The following SOX5 variants were observed in gnomAD, a reference collection of about 807,000 sequenced individuals.
SOX5 encodes transcription factor SOX-5.
SOX5 carries 9 observed loss-of-function variants against 92.0 expected under a neutral mutation model. The observed-to-expected ratio is 0.10, with a 90% CI of 0.06 to 0.17. SOX5 has a LOEUF of 0.17. Ranked by LOEUF, SOX5 falls within the 10% of genes least tolerant of loss-of-function variation. The pLI, the probability that SOX5 is intolerant of heterozygous loss-of-function variation, is 1.00. For missense variants in SOX5, 642 were observed against 944.5 expected, an observed-to-expected ratio of 0.68 and a Z score of 4.20; for synonymous variants, 344 against 336.3, an observed-to-expected ratio of 1.02 and a Z score of -0.25.
chr12:23,858,074 T>C (rs879150410), intron 2 of SOX5, among the ~76,000 whole-genome samples: 19 of 141,584 alleles, frequency 1.3e-4, no homozygotes, highest in African/African-American at 4.1e-4. Flanking sequence ...CCTGTATGTG[T>C]GTGTGTGTGT....
In SOX5 at chr12:23,628,800, CT is replaced by C. The variant is rs113869280; in HGVS notation, c.1017+12011del. ...TTGAAATGTGCAGGGCTGGCTTAAG[CT>C]TTTTTTTTTTATTTTTATTTTTTCT... On this transcript the variant is annotated intron_variant, in intron 8 of 14. Transcript: ENST00000451604. Among the ~76,000 whole-genome samples, 1,291 of 145,528 alleles carry C rather than the reference CT, an allele frequency of 8.9e-3. 8 individuals carry two copies. The highest frequency in any genetic ancestry group is 0.012 in the Non-Finnish European group (816 of 65,686).
intron 4 of SOX5, among the ~76,000 whole-genome samples, chr12:23,748,686 C>A (rs760813554): frequency 6.6e-6 from 1 of 151,936 alleles, no homozygotes; most frequent in Non-Finnish European, 1.5e-5. Context: ...AAAATCTGTG[C>A]CAGGGTGGTT....
chr12:24,244,795 C>A (rs1300076069), intron 3 of SOX5, among the ~76,000 whole-genome samples: 4 of 152,168 alleles, frequency 2.6e-5, no homozygotes, highest in African/African-American at 9.7e-5. Flanking sequence ...TGAGTTCAAG[C>A]AATTCTCCTG....
At chr12:24,228,623 A>G (rs1185460700) in intron 3 of SOX5, among the ~76,000 whole-genome samples, 1 of 152,150 alleles carries the variant, frequency 6.6e-6, no homozygotes, top group East Asian at 1.9e-4. Flanking sequence ...TAGTACTGGC[A>G]TCTTCCTTTC....
chr12:24,316,641 T>C (rs1949719363), intron 2 of SOX5, among the ~76,000 whole-genome samples: 1 of 152,216 alleles, frequency 6.6e-6, no homozygotes. Flanking sequence ...TCTCTTAGCA[T>C]GTACATAGGA....
intron 3 of SOX5, among the ~76,000 whole-genome samples, chr12:23,760,087 G>A (rs973888845): frequency 1.3e-5 from 2 of 151,872 alleles, no homozygotes; most frequent in Non-Finnish European, 1.5e-5. Flanking sequence ...CCCAAGTACT[G>A]GAATATCATG....
intron 4 of SOX5, among the ~76,000 whole-genome samples, chr12:24,049,304 G>C (rs1197991175): frequency 6.6e-6 from 1 of 152,166 alleles, no homozygotes; most frequent in South Asian, 2.1e-4. Flanking sequence ...AGACCAAGGC[G>C]TGATGAAAAA....
At chr12:24,276,880 G>T (rs1944491625) in intron 3 of SOX5, among the ~76,000 whole-genome samples, 1 of 151,982 alleles carries the variant, frequency 6.6e-6, no homozygotes, top group Non-Finnish European at 1.5e-5. Flanking sequence ...CAACAAAAAA[G>T]TAGCAACAAA....
chr12:24,336,857 G>A (rs11834026), intron 2 of SOX5, among the ~76,000 whole-genome samples: 2,865 of 152,262 alleles, frequency 0.019, 97 homozygotes, highest in African/African-American at 0.065. Flanking sequence ...TAATTGAGCC[G>A]GGGATGCAGG....
intron 1 of SOX5, among the ~76,000 whole-genome samples, chr12:24,526,377 A>G (rs1950712543): frequency 6.6e-6 from 1 of 152,144 alleles, no homozygotes; most frequent in Non-Finnish European, 1.5e-5. Flanking sequence ...ATGAGCAGAC[A>G]GGAGAAAGAG....
chr12:24,331,755 C>T (rs539748407), intron 2 of SOX5, among the ~76,000 whole-genome samples: 4 of 142,782 alleles, frequency 2.8e-5, no homozygotes, highest in Non-Finnish European at 4.5e-5. Flanking sequence ...GGCTGAGGCA[C>T]GAGAATCCCT....
At chr12:24,355,417 C>T (rs1266719577) in intron 2 of SOX5, among the ~76,000 whole-genome samples, 1 of 146,924 alleles carries the variant, frequency 6.8e-6, no homozygotes, top group Non-Finnish European at 1.5e-5. Context: ...ACACCATTCT[C>T]CTGCCTCAGC....
chr12:24,106,608 T>C (rs1312308456), intron 4 of SOX5, among the ~76,000 whole-genome samples: 6 of 151,738 alleles, frequency 4.0e-5, no homozygotes, highest in Non-Finnish European at 7.4e-5. Flanking sequence ...CTGGCTAACA[T>C]GGTGAAACCC....
At chr12:23,787,730 A>G (rs772095028) in intron 3 of SOX5, among the ~76,000 whole-genome samples, 2 of 151,984 alleles carry the variant, frequency 1.3e-5, no homozygotes, top group Non-Finnish European at 2.9e-5. Context: ...CGTCTAATCA[A>G]TCAAAGAGAC....
intron 4 of SOX5, among the ~76,000 whole-genome samples, chr12:24,081,838 G>T (rs919275033): frequency 6.6e-6 from 1 of 151,868 alleles, no homozygotes; most frequent in African/African-American, 2.4e-5. Flanking sequence ...TCTATCAAAC[G>T]TGTCTTTCTT....
chr12:23,643,704 AT>A (rs1480506194), intron 7 of SOX5, among the ~76,000 whole-genome samples: 18 of 152,232 alleles, frequency 1.2e-4, no homozygotes, highest in Non-Finnish European at 2.4e-4. Flanking sequence ...GACAGTGATA[AT>A]TTTTTTCATT....
rs567335320 is a variant in SOX5 at position 23,645,837 on chromosome 12, A to T, written c.932-4940T>A. On this transcript the variant is annotated intron_variant, in intron 7 of 14. Coordinates refer to ENST00000451604, the MANE Select transcript of SOX5 (RefSeq NM_006940.6). ...TATGTGTATAAATGTATATATACAC[A>T]GGAATACCTTGGAGATATTGTAAGT... Among the ~76,000 whole-genome samples the T allele has an allele frequency of 6.6e-5, 10 of 152,334 alleles. No individual in the cohort carries two copies. The South Asian group carries it at 1.9e-3, about 28-fold the overall frequency.
intron 6 of SOX5, among the ~76,000 whole-genome samples, chr12:23,685,208 T>C (rs901460619): frequency 6.6e-6 from 1 of 152,242 alleles, no homozygotes; most frequent in South Asian, 2.1e-4. Flanking sequence ...GTTTTTTTCT[T>C]CTACTCCCTT....
chr12:23,719,198 G>C (rs188989223), intron 6 of SOX5, among the ~76,000 whole-genome samples: 3 of 152,100 alleles, frequency 2.0e-5, no homozygotes, highest in Admixed American at 2.0e-4. Flanking sequence ...AAAATTATCG[G>C]ATACCATGCG....
Sources: gnomAD v4.1 joint callset for allele counts (sites outside exome capture counted in the v4.1 genomes callset) on GRCh38, gnomAD v4.1.1 for gene constraint, MANE v1.5 for transcripts, NCBI Gene and HGNC (gene_info 2026-07-23, HGNC 2026-07-21) for gene names.